The following DCAF17 variants were observed in gnomAD, a reference collection of about 807,000 sequenced individuals.
DCAF17 encodes DDB1 and CUL4 associated factor 17.
DCAF17 carries 48 observed loss-of-function variants against 66.0 expected under a neutral mutation model. The ratio of observed to expected loss-of-function variants is 0.73; its 90% CI spans 0.58 to 0.92. DCAF17 has a LOEUF of 0.92. DCAF17 is among the 40% of genes least tolerant of loss of function. The pLI is 0.00. For synonymous variants in DCAF17, 206 were observed against 214.6 expected (o/e 0.96, Z 0.35); for missense variants, 562 against 622.8 (o/e 0.90, Z 1.04).
chr2:171,441,083 T>C (rs1694281598), intron 2 of DCAF17, among the ~76,000 whole-genome samples: 1 of 152,202 alleles, frequency 6.6e-6, no homozygotes, highest in Non-Finnish European at 1.5e-5. Context: ...AGCCTGTATC[T>C]CCGCTGAGTC....
chr2:171,473,315 T>C (rs1331191112), intron 9 of DCAF17, among the ~76,000 whole-genome samples: 1 of 152,144 alleles, frequency 6.6e-6, no homozygotes, highest in Non-Finnish European at 1.5e-5. Context: ...GTTGAAAATA[T>C]TGGAAAAGGT....
At chr2:171,465,228 G>A (rs1695829763) in intron 8 of DCAF17, among the ~76,000 whole-genome samples, 1 of 151,706 alleles carries the variant, frequency 6.6e-6, no homozygotes, top group Admixed American at 6.6e-5. Context: ...AGTATGGGGT[G>A]AAGGTTAAGA....
Position 171,434,640 on chromosome 2 carries a change from C to T in DCAF17, c.63C>T (p.Phe21=). The change falls in exon 1 of 14, where the codon TTC becomes TTT. Residue 21 remains phenylalanine, a synonymous_variant. Coordinates refer to ENST00000375255, the MANE Select transcript of DCAF17 (RefSeq NM_025000.4). ...SRLSRRALGC[F]SRDAGVVQRT... ...TGAGTCGCCGGGCGCTGGGCTGCTTCTCGCGCGACGCAGGCGTGGTGCAGA... is the reference window on the plus strand; with the variant it reads ...TGAGTCGCCGGGCGCTGGGCTGCTTTTCGCGCGACGCAGGCGTGGTGCAGA... 1 of 1,534,608 alleles carries T rather than the reference C, an allele frequency of 6.5e-7. No homozygotes were observed. The highest frequency in any genetic ancestry group is 8.7e-7 in the Non-Finnish European group (1 of 1,148,598).
intron 6 of DCAF17, among the ~76,000 whole-genome samples, chr2:171,455,357 TAGTATTCCC>T (rs747653193): frequency 3.4e-4 from 52 of 152,370 alleles, no homozygotes; most frequent in Non-Finnish European, 6.2e-4. Context: ...TGTGGCTGCA[TAGTATTCCC>T]TGGTGTATAT....
intron 6 of DCAF17, among the ~76,000 whole-genome samples, chr2:171,454,508 TCTC>T (rs1695135533): frequency 6.6e-6 from 1 of 152,034 alleles, no homozygotes; most frequent in South Asian, 2.1e-4. Flanking sequence ...ATGGTCTCGA[TCTC>T]CTGACTTCGT....
chr2:171,446,799 C>T (rs1395067702), intron 3 of DCAF17, among the ~76,000 whole-genome samples: 1 of 152,098 alleles, frequency 6.6e-6, no homozygotes, highest in Non-Finnish European at 1.5e-5. Flanking sequence ...TTTAATCTCA[C>T]TCTTTTAGAC....
Position 171,434,646 on chromosome 2 carries a change from C to G in DCAF17, c.69C>G (p.Arg23=), listed in dbSNP as rs747418796. 1.3e-6 allele frequency: 2 copies of G among 1,534,928 alleles called. No individual in the cohort carries two copies. Among genetic ancestry groups the G allele is most frequent in the East Asian group, 2.5e-5 (1 of 40,330 alleles). ...LSRRALGCFS[R]DAGVVQRTNL... ...GCCGGGCGCTGGGCTGCTTCTCGCGCGACGCAGGCGTGGTGCAGAGGACCA... is the reference window on the plus strand; with the variant it reads ...GCCGGGCGCTGGGCTGCTTCTCGCGGGACGCAGGCGTGGTGCAGAGGACCA... Residue 23 remains arginine (R), a synonymous_variant, in exon 1 of 14, where the codon CGC becomes CGG. Transcript: ENST00000375255.
At chr2:171,447,376 C>CT in intron 3 of DCAF17, 2 of 365,710 alleles carry the variant, frequency 5.5e-6, no homozygotes, top group South Asian at 1.9e-5. Flanking sequence ...TTCTTTTTTT[C>CT]TTTTTTGAGA....
intron 12 of DCAF17, 75 bp downstream of exon 12, chr2:171,478,145 A>AGGATATGGGGAAG: frequency 1.5e-6 from 2 of 1,347,280 alleles, no homozygotes; most frequent in Non-Finnish European, 2.1e-6. Context: ...ATACTTCCCC[A>AGGATATGGGGAAG]TATCCTGGGG....
At chr2:171,455,995 G>A (rs996653285) in intron 6 of DCAF17, among the ~76,000 whole-genome samples, 3 of 152,116 alleles carry the variant, frequency 2.0e-5, no homozygotes, top group Non-Finnish European at 4.4e-5. Context: ...TTCTTTTGCT[G>A]TGCAGAAGCT....
intron 5 of DCAF17, 79 bp downstream of exon 5, chr2:171,450,036 AATG>A: frequency 8.1e-7 from 1 of 1,231,262 alleles, no homozygotes; most frequent in Non-Finnish European, 1.2e-6. Context: ...TGAAAAATCT[AATG>A]ATCTTTTATT....
intron 11 of DCAF17, among the ~76,000 whole-genome samples, chr2:171,477,181 G>A (rs1170816178): frequency 6.6e-6 from 1 of 151,926 alleles, no homozygotes; most frequent in Admixed American, 6.5e-5. Flanking sequence ...TCTTTTCTGA[G>A]TTTCCTTTTA....
chr2:171,438,327 T>C (rs1219965579), intron 2 of DCAF17, among the ~76,000 whole-genome samples: 1 of 151,960 alleles, frequency 6.6e-6, no homozygotes, highest in African/African-American at 2.4e-5. Context: ...AGAATGTGTA[T>C]TCTGCTGTCG....
rs1168108614 is a variant in DCAF17, at chr2:171,484,538, C to T, written c.*3424C>T. On this transcript the variant is annotated 3_prime_UTR_variant, in exon 14 of 14. Transcript: ENST00000375255. ...GCTGATATACTTCCCCCTAGTACTT[C>T]AACTGCAGATTATTAACTAGAGTTT... 2 of 452,142 alleles carry T rather than the reference C, an allele frequency of 4.4e-6. No individual in the cohort carries two copies. Among genetic ancestry groups the T allele is most frequent in the Non-Finnish European group, 8.8e-6 (2 of 226,220 alleles). The allele number at this position is 452,142 out of a possible 1,614,324, so 28.0% of individuals were successfully genotyped here. A position where few individuals can be genotyped will look rare whatever the true frequency, so the allele number is the denominator to read the frequency against.
At chr2:171,438,368 ACT>A (rs542728508) in intron 2 of DCAF17, among the ~76,000 whole-genome samples, 27 of 76,716 alleles carry the variant, frequency 3.5e-4, no homozygotes, top group Middle Eastern at 7.0e-3. Context: ...GATCCAGTTG[ACT>A]GATGGTACCT....
intron 8 of DCAF17, among the ~76,000 whole-genome samples, chr2:171,467,069 G>A (rs979261095): frequency 2.0e-5 from 3 of 151,930 alleles, no homozygotes; most frequent in African/African-American, 4.8e-5. Context: ...TATTTGATAT[G>A]TTTATGCCTG....
At position 171,448,793 on chromosome 2, in the gene DCAF17, A is replaced by G; in HGVS notation, c.434A>G (p.Tyr145Cys). 1.9e-6 allele frequency: 3 copies of G among 1,613,154 alleles called. No homozygotes were observed. The highest frequency in any genetic ancestry group is 2.5e-6 in the Non-Finnish European group (3 of 1,179,362). The change falls in exon 4 of 14, where the codon TAT becomes TGT. Residue 145 changes from tyrosine (Y) to cysteine (C), a missense_variant. Tyr to Cys is a radical substitution (Grantham distance 194). This residue lies in a region of DCAF17 where 348 missense variants were observed against 355.9 expected (regional missense o/e 0.98). Coordinates refer to ENST00000375255, the MANE Select transcript of DCAF17 (RefSeq NM_025000.4). The stretch of plus-strand genomic sequence containing the variant: ...ACGGGAAAAATCCTTGAGAAAATAT[A>G]TCTTGCACCTTATTGCAAATTCAGG... ...ATTGKILEKI[Y>C]LAPYCKFRYL...
At chr2:171,461,309 C>T (rs1455421734) in intron 8 of DCAF17, among the ~76,000 whole-genome samples, 2 of 152,064 alleles carry the variant, frequency 1.3e-5, no homozygotes, top group Admixed American at 1.3e-4. Context: ...AGCCTGTAAT[C>T]TCAGCTACTC....
intron 1 of DCAF17, 95 bp from the exon 2 acceptor site, chr2:171,434,988 A>AATAAT: frequency 1.7e-6 from 2 of 1,168,914 alleles, no homozygotes; most frequent in Non-Finnish European, 2.5e-6. Flanking sequence ...AAAGTTTTAA[A>AATAAT]ATAATATAGG....
Sources: gnomAD v4.1 joint callset for allele counts (sites outside exome capture counted in the v4.1 genomes callset) on GRCh38, gnomAD v4.1.1 for gene constraint, gnomAD v4.1.1 regional missense constraint, MANE v1.5 for transcripts, NCBI Gene and HGNC (gene_info 2026-07-23, HGNC 2026-07-21) for gene names.